The following ABLIM2 variants were observed in gnomAD, a reference collection of about 807,000 sequenced individuals.
The protein encoded by ABLIM2 is actin-binding LIM protein 2.
Under a neutral mutation model 97.7 loss-of-function variants are expected in ABLIM2, and 53 were observed. The ratio of observed to expected loss-of-function variants is 0.54; its 90% CI spans 0.44 to 0.68. The LOEUF (loss-of-function observed/expected upper bound fraction) is 0.68, where lower values mean the gene tolerates loss of function less well. ABLIM2 is among the 30% of genes least tolerant of loss of function. The pLI is 0.00. For missense variants in ABLIM2, 835 were observed against 867.2 expected, an observed-to-expected ratio of 0.96 and a Z score of 0.47; for synonymous variants, 361 against 345.8, an observed-to-expected ratio of 1.04 and a Z score of -0.49.
rs77231466 is a variant in ABLIM2 at position 8,001,152 on chromosome 4, G to A, written c.1618+6907C>T. Among the ~76,000 whole-genome samples, 9,235 of 152,262 alleles carry A rather than the reference G, an allele frequency of 0.061. 309 individuals are homozygous for A. Among genetic ancestry groups the A allele is most frequent in the Non-Finnish European group, 0.077 (5,208 of 68,008 alleles). Reference sequence around the variant, plus strand: ...CGGGCACCCCTCATCCCTGAGCAGCGGTGAATGAAATGCTGGTTCAGCTGG... The same window carrying A: ...CGGGCACCCCTCATCCCTGAGCAGCAGTGAATGAAATGCTGGTTCAGCTGG... On this transcript the variant is annotated intron_variant, in intron 16 of 20. Transcript: ENST00000447017. This position sits in a 1 kb window ranked among gnomAD's most constrained non-coding sequence, Gnocchi z 4.2.
At chr4:7,973,211 T>C (rs968515361) in intron 20 of ABLIM2, among the ~76,000 whole-genome samples, 1 of 151,544 alleles carries the variant, frequency 6.6e-6, no homozygotes, top group Non-Finnish European at 1.5e-5. Flanking sequence ...GGAGGAAGCA[T>C]AAGAAAGCTG....
intron 1 of ABLIM2, among the ~76,000 whole-genome samples, chr4:8,126,586 C>T (rs11725256): frequency 0.036 from 5,455 of 152,176 alleles, 142 homozygotes; most frequent in East Asian, 0.12. Flanking sequence ...ATCTAAGGAG[C>T]TTGATGGGCC....
intron 1 of ABLIM2, among the ~76,000 whole-genome samples, chr4:8,110,249 A>C (rs1489262032): frequency 1.3e-5 from 2 of 152,230 alleles, no homozygotes; most frequent in Admixed American, 6.5e-5. Flanking sequence ...AAAATGCACA[A>C]GCGTCTCTTC....
At chr4:7,989,928 C>A (rs1046628501) in intron 17 of ABLIM2, among the ~76,000 whole-genome samples, 1 of 152,174 alleles carries the variant, frequency 6.6e-6, no homozygotes, top group Non-Finnish European at 1.5e-5. Context: ...CCATTCACTT[C>A]AAGGGTAGGT....
At chr4:8,020,104 G>T in intron 13 of ABLIM2, 98 bp downstream of exon 13, 1 of 1,108,948 alleles carries the variant, frequency 9.0e-7, no homozygotes, top group Non-Finnish European at 1.3e-6. Context: ...GTCGTCTGGC[G>T]CCTGCTGAGT....
intron 20 of ABLIM2, 92 bp downstream of exon 20, chr4:7,983,172 C>A (rs963993798): frequency 6.4e-5 from 88 of 1,378,186 alleles, no homozygotes; most frequent in Non-Finnish European, 3.5e-5. Context: ...CACGGTGGCC[C>A]CTTGGGCAAC....
intron 2 of ABLIM2, among the ~76,000 whole-genome samples, chr4:8,097,605 G>T (rs1040545375): frequency 2.0e-5 from 3 of 152,108 alleles, no homozygotes; most frequent in African/African-American, 7.2e-5. Context: ...CTGTGACCCC[G>T]CCAGGGATGG....
chr4:8,024,353 T>C (rs73092331), intron 12 of ABLIM2, among the ~76,000 whole-genome samples: 4,312 of 151,724 alleles, frequency 0.028, 199 homozygotes, highest in African/African-American at 0.097. Flanking sequence ...AGCACCACTC[T>C]GGAAGCTGGG....
rs200495159 is a variant in ABLIM2, at chr4:8,032,200, G to GA, written c.1048-2425dup. 2.0e-3 allele frequency among the ~76,000 whole-genome samples: 285 copies of GA among 139,404 alleles called. No homozygotes were observed. The highest frequency in any genetic ancestry group is 7.4e-3 in the South Asian group (32 of 4,304). The allele number at this position is 139,404 out of a possible 152,430, so 91.5% of individuals were successfully genotyped here. A position where few individuals can be genotyped will look rare whatever the true frequency, so the allele number is the denominator to read the frequency against. ...TGTCACTGATTAATTTTGAGAAACA[G>GA]AAAAAAAAAAAAAAAACTAGACCAC... On this transcript the variant is annotated intron_variant, in intron 10 of 20. Transcript: ENST00000447017. This position sits in a 1 kb window ranked among gnomAD's most constrained non-coding sequence, Gnocchi z 4.3.
Position 7,965,958 on chromosome 4 carries a change from T to C in ABLIM2, c.*1032A>G, listed in dbSNP as rs1366974885. The C allele has an allele frequency of 6.6e-6, 1 of 152,186 alleles. No homozygotes were observed. The highest frequency in any genetic ancestry group is 2.4e-5 in the African/African-American group (1 of 41,428). 9.4% of individuals were successfully genotyped at this position (152,186 alleles called of 1,614,324 possible). On this transcript the variant is annotated 3_prime_UTR_variant, in exon 21 of 21. Coordinates refer to ENST00000447017, the MANE Select transcript of ABLIM2 (RefSeq NM_001130083.2). ...TACGTCGGGTATTAGGCAGGGTACG[T>C]GGAAACCCTTGATTCCAGGGCTTTG...
chr4:8,131,125 G>C (rs1428104526), intron 1 of ABLIM2, among the ~76,000 whole-genome samples: 1 of 152,146 alleles, frequency 6.6e-6, no homozygotes, highest in Non-Finnish European at 1.5e-5. Context: ...TCAGCATCCT[G>C]GTGTAAGCCC....
intron 1 of ABLIM2, among the ~76,000 whole-genome samples, chr4:8,152,543 G>A (rs922040709): frequency 3.9e-5 from 6 of 152,356 alleles, no homozygotes; most frequent in Admixed American, 1.3e-4. Flanking sequence ...TAGACACCCT[G>A]AGCAGCCCTG....
intron 3 of ABLIM2, 28 bp from the exon 4 acceptor site, chr4:8,088,312 A>G (rs2152516357): frequency 4.4e-6 from 7 of 1,588,942 alleles, no homozygotes; most frequent in East Asian, 2.3e-5. Flanking sequence ...GTTACCAGCC[A>G]GGCCCACCTT....
chr4:8,054,092 T>G lies in ABLIM2; in HGVS notation c.822+96A>C. 7 of 1,433,182 alleles carry G rather than the reference T, an allele frequency of 4.9e-6. No individual in the cohort carries two copies. The highest frequency in any genetic ancestry group is 6.9e-6 in the Non-Finnish European group (7 of 1,019,428). The allele number at this position is 1,433,182 out of a possible 1,614,324, so 88.8% of individuals were successfully genotyped here. ...TCCTGCAGCCCGTGGGACTGGACAATGAGCCTGTAGAATCTGGTCAGTGTC... is the reference window on the plus strand; with the variant it reads ...TCCTGCAGCCCGTGGGACTGGACAAGGAGCCTGTAGAATCTGGTCAGTGTC... On this transcript the variant is annotated intron_variant, in intron 8 of 20. Coordinates refer to ENST00000447017, the MANE Select transcript of ABLIM2 (RefSeq NM_001130083.2). The surrounding 1 kb of genome is among the most constrained non-coding windows in gnomAD (Gnocchi z 4.9).
Position 7,986,818 on chromosome 4 carries a change from G to A in ABLIM2, c.1681-1925C>T, listed in dbSNP as rs551157672. Among the ~76,000 whole-genome samples the A allele has an allele frequency of 9.2e-5, 14 of 152,084 alleles. No individual in the cohort carries two copies. Among genetic ancestry groups the A allele is most frequent in the African/African-American group, 3.1e-4 (13 of 41,500 alleles). On this transcript the variant is annotated intron_variant, in intron 17 of 20. Coordinates refer to ENST00000447017, the MANE Select transcript of ABLIM2 (RefSeq NM_001130083.2). This position sits in a 1 kb window ranked among gnomAD's most constrained non-coding sequence, Gnocchi z 4.3. Reference sequence around the variant, plus strand: ...CTCCTGAGCAGCTGGGATTACAGGCGCCTACCACCACGGCGAGATAATTTT... The same window carrying A: ...CTCCTGAGCAGCTGGGATTACAGGCACCTACCACCACGGCGAGATAATTTT...
intron 9 of ABLIM2, among the ~76,000 whole-genome samples, chr4:8,038,471 T>C (rs1351760732): frequency 6.6e-6 from 1 of 152,192 alleles, no homozygotes; most frequent in African/African-American, 2.4e-5. Flanking sequence ...TTGGCCTTCC[T>C]GTTCCTGGCA....
In ABLIM2 at chr4:7,974,406, T is replaced by TCCATCCAC. The variant is rs1553881267; in HGVS notation, c.1825-7311_1825-7304dup. ...ACCCATCCACCCATCCATCCACCCA[T>TCCATCCAC]CCATCCACCAATCCATCCACCCACC... On this transcript the variant is annotated intron_variant, in intron 20 of 20. Transcript: ENST00000447017. Among the ~76,000 whole-genome samples the TCCATCCAC allele has an allele frequency of 1.3e-3, 174 of 134,122 alleles. 2 individuals carry two copies. The highest frequency in any genetic ancestry group is 4.8e-3 in the African/African-American group (165 of 34,412). 88.0% of individuals were successfully genotyped at this position (134,122 alleles called of 152,430 possible).
chr4:7,971,387 G>A lies in ABLIM2; in HGVS notation c.1825-4284C>T, dbSNP rs957256307. On this transcript the variant is annotated intron_variant, in intron 20 of 20. Coordinates refer to ENST00000447017, the MANE Select transcript of ABLIM2 (RefSeq NM_001130083.2). ...GCACAGCTGGAAGGAAGGAAGCCTG[G>A]GGTGGGGGTCTTTGCAGAGGGTGGG... Among the ~76,000 whole-genome samples the A allele has an allele frequency of 2.6e-5, 4 of 152,136 alleles. 1 individual carries two copies. Among genetic ancestry groups the A allele is most frequent in the Non-Finnish European group, 5.9e-5 (4 of 67,994 alleles).
At chr4:7,976,995 G>A (rs1734003685) in intron 20 of ABLIM2, among the ~76,000 whole-genome samples, 1 of 151,942 alleles carries the variant, frequency 6.6e-6, no homozygotes. Context: ...ATATGGTTTG[G>A]CTGTGTCCTC....
Sources: allele counts gnomAD v4.1 joint callset (sites outside exome capture counted in the v4.1 genomes callset), GRCh38; gene constraint gnomAD v4.1.1; non-coding constraint Gnocchi (gnomAD v3.1); transcripts MANE v1.5; gene names NCBI Gene and HGNC (gene_info 2026-07-23, HGNC 2026-07-21).